Variants in GRIK2 observed in about 807,000 individuals in gnomAD.
The protein encoded by GRIK2 is glutamate ionotropic receptor kainate type subunit 2.
In GRIK2, 32 loss-of-function variants were observed where a neutral mutation model predicts 100.3. The ratio of observed to expected loss-of-function variants is 0.32; its 90% CI spans 0.24 to 0.43. The LOEUF is 0.43. Among genes scored for constraint, GRIK2 ranks in the 20% least tolerant of loss-of-function variants. The pLI, the probability that GRIK2 is intolerant of heterozygous loss-of-function variation, is 1.00. For missense variants in GRIK2, 843 were observed against 1,114.9 expected (o/e 0.76, Z 3.47); for synonymous variants, 417 against 389.4 (o/e 1.07, Z -0.83).
At chr6:101,527,376 G>C (rs978257703) in intron 2 of GRIK2, among the ~76,000 whole-genome samples, 1 of 152,176 alleles carries the variant, frequency 6.6e-6, no homozygotes, top group East Asian at 1.9e-4. Context: ...CAAAAGAAAG[G>C]AGGTCTCATA....
At chr6:101,875,303 A>C (rs1785745989) in intron 11 of GRIK2, among the ~76,000 whole-genome samples, 1 of 151,888 alleles carries the variant, frequency 6.6e-6, no homozygotes, top group Non-Finnish European at 1.5e-5. Context: ...ACAAAACCTC[A>C]ATAAGAGATC....
chr6:101,595,698 A>ATATG lies in GRIK2; in HGVS notation c.116-26250_116-26249insATGT, dbSNP rs371343225. 6.2e-4 allele frequency among the ~76,000 whole-genome samples: 85 copies of ATATG among 136,714 alleles called. 1 individual carries two copies. Among genetic ancestry groups the ATATG allele is most frequent in the African/African-American group, 2.3e-3 (83 of 35,800 alleles). 89.7% of individuals were successfully genotyped at this position (136,714 alleles called of 152,430 possible). On this transcript the variant is annotated intron_variant, in intron 2 of 16. Transcript: ENST00000369134. ...AATATATTTGTGCATGTATATATAT[A>ATATG]TGTGTGTGTGTGTGTGTGTGTATAT...
At chr6:101,622,329 A>T (rs1780204532) in intron 3 of GRIK2, among the ~76,000 whole-genome samples, 3 of 152,152 alleles carry the variant, frequency 2.0e-5, no homozygotes, top group Admixed American at 6.6e-5. Context: ...ATACAATTAC[A>T]TCTGTTAGTG....
At chr6:101,745,318 AT>A in intron 7 of GRIK2, among the ~76,000 whole-genome samples, 1 of 152,194 alleles carries the variant, frequency 6.6e-6, no homozygotes, top group Non-Finnish European at 1.5e-5. Flanking sequence ...TAACCTTCAC[AT>A]CACATTGAGT....
chr6:101,463,717 T>C (rs1462945097), intron 2 of GRIK2, among the ~76,000 whole-genome samples: 1 of 152,032 alleles, frequency 6.6e-6, no homozygotes, highest in Admixed American at 6.6e-5. Context: ...GGCTCTAATA[T>C]CTATCACACA....
intron 14 of GRIK2, among the ~76,000 whole-genome samples, chr6:102,005,899 C>T (rs1318298801): frequency 6.6e-6 from 1 of 151,970 alleles, no homozygotes; most frequent in Admixed American, 6.6e-5. Context: ...CTCTCTTTGG[C>T]CACCTTCTCT....
intron 15 of GRIK2, among the ~76,000 whole-genome samples, chr6:102,049,134 T>C (rs1771046410): frequency 6.6e-6 from 1 of 152,132 alleles, no homozygotes; most frequent in Non-Finnish European, 1.5e-5. Context: ...GTTGTGGAAC[T>C]GTGTTTTAAT....
At chr6:101,666,674 G>T (rs1378775077) in intron 4 of GRIK2, among the ~76,000 whole-genome samples, 1 of 152,228 alleles carries the variant, frequency 6.6e-6, no homozygotes, top group Non-Finnish European at 1.5e-5. Flanking sequence ...ATAGAAAAGT[G>T]AATTTAAAAG....
intron 2 of GRIK2, among the ~76,000 whole-genome samples, chr6:101,573,528 G>A (rs1343470490): frequency 1.3e-5 from 2 of 152,048 alleles, no homozygotes; most frequent in Non-Finnish European, 2.9e-5. Flanking sequence ...TTTTCCTTCT[G>A]GAGGATTTCT....
At chr6:102,025,001 C>T (rs573611997) in intron 14 of GRIK2, among the ~76,000 whole-genome samples, 1 of 150,456 alleles carries the variant, frequency 6.6e-6, no homozygotes, top group African/African-American at 2.4e-5. Context: ...TAGACCATCT[C>T]CACTGAAAAA....
chr6:101,437,687 C>G (rs956650094), intron 2 of GRIK2, among the ~76,000 whole-genome samples: 2 of 151,970 alleles, frequency 1.3e-5, no homozygotes, highest in Non-Finnish European at 2.9e-5. Context: ...ACTTATTTTC[C>G]CAAAGTGACC....
At chr6:101,709,650 C>T (rs967058363) in intron 7 of GRIK2, among the ~76,000 whole-genome samples, 3 of 151,706 alleles carry the variant, frequency 2.0e-5, no homozygotes, top group Admixed American at 2.0e-4. Context: ...AAAAAAAATG[C>T]TTTAAAATGG....
At chr6:101,893,498 T>G (rs2128458765) in intron 12 of GRIK2, among the ~76,000 whole-genome samples, 1 of 151,870 alleles carries the variant, frequency 6.6e-6, no homozygotes, top group Admixed American at 6.6e-5. Context: ...TTGTCAAAAT[T>G]TCTCAACATT....
At chr6:101,625,312 G>A (rs576881493) in intron 3 of GRIK2, among the ~76,000 whole-genome samples, 2 of 152,004 alleles carry the variant, frequency 1.3e-5, no homozygotes, top group African/African-American at 4.8e-5. Flanking sequence ...GGCAAAGGTC[G>A]CAGTGAGCTG....
chr6:101,906,994 T>A (rs1788276831), intron 12 of GRIK2, among the ~76,000 whole-genome samples: 2 of 151,722 alleles, frequency 1.3e-5, no homozygotes, highest in South Asian at 4.1e-4. Flanking sequence ...ACTACAATCA[T>A]AAAGATTTTG....
intron 2 of GRIK2, among the ~76,000 whole-genome samples, chr6:101,618,988 A>T (rs955242784): frequency 5.4e-5 from 8 of 148,362 alleles, no homozygotes; most frequent in African/African-American, 2.0e-4. Context: ...TATCAATTGC[A>T]TTTATACTAT....
At chr6:101,595,893 A>G (rs1421838563) in intron 2 of GRIK2, among the ~76,000 whole-genome samples, 1 of 149,712 alleles carries the variant, frequency 6.7e-6, no homozygotes, top group Non-Finnish European at 1.5e-5. Context: ...TTTTCTTCCT[A>G]TGTGTTTTAT....
At chr6:101,937,037 G>A (rs373312665) in intron 14 of GRIK2, among the ~76,000 whole-genome samples, 3 of 152,096 alleles carry the variant, frequency 2.0e-5, no homozygotes, top group South Asian at 4.1e-4. Context: ...TTCGAAAGTA[G>A]CCTCTCTAAA....
At chr6:101,453,861 T>C (rs1262442625) in intron 2 of GRIK2, among the ~76,000 whole-genome samples, 1 of 152,080 alleles carries the variant, frequency 6.6e-6, no homozygotes, top group African/African-American at 2.4e-5. Flanking sequence ...TTGGCATGTT[T>C]CTTCAAAATG....
Sources: allele counts gnomAD v4.1 joint callset (sites outside exome capture counted in the v4.1 genomes callset), GRCh38; gene constraint gnomAD v4.1.1; transcripts MANE v1.5; gene names NCBI Gene and HGNC (gene_info 2026-07-23, HGNC 2026-07-21).